CLCC1: variants seen among roughly 807,000 people sequenced by gnomAD.
CLCC1 encodes chloride channel CLIC-like protein 1.
A neutral mutation model predicts 63.3 loss-of-function variants in CLCC1; 39 were observed. That is an observed-to-expected ratio of 0.62 (90% CI 0.48 to 0.81). CLCC1 has a LOEUF of 0.81. Ranked by LOEUF, CLCC1 falls within the 30% of genes least tolerant of loss-of-function variation. The probability of loss-of-function intolerance (pLI) is 0.00; values close to 1 mark genes in which losing one functional copy is unlikely to be tolerated. For synonymous variants in CLCC1, 217 were observed against 239.8 expected (o/e 0.90, Z 0.88); for missense variants, 549 against 669.4 (o/e 0.82, Z 1.98).
Position 108,931,500 on chromosome 1 carries a change from G to A in CLCC1, c.*1047C>T, listed in dbSNP as rs1222474016. 6.5e-7 allele frequency: 1 copy of A among 1,548,312 alleles called. No individual in the cohort carries two copies. The highest frequency in any genetic ancestry group is 8.7e-7 in the Non-Finnish European group (1 of 1,145,932). On this transcript the variant is annotated 3_prime_UTR_variant, in exon 13 of 13. Coordinates refer to ENST00000369969, the MANE Select transcript of CLCC1 (RefSeq NM_001377458.1). ...ACTGTGCACAGCTGGGATGGGATCT[G>A]GGGATGTGGACCCCTATTCTTTCAA...
intron 8 of CLCC1, among the ~76,000 whole-genome samples, chr1:108,941,114 T>C (rs1653778734): frequency 6.6e-6 from 1 of 152,212 alleles, no homozygotes; most frequent in African/African-American, 2.4e-5. Flanking sequence ...TGCCAGACCC[T>C]GTGCAAAGAA....
In CLCC1 at chr1:108,937,337, G is replaced by A. The variant is rs56223817; in HGVS notation, c.1123C>T (p.Arg375Trp). ...TCCTGCCGTCTTCTATCCCGTGGCC[G>A]AAGTGCCTGGGGAGGTTCGCTCTCA... ...GPESEPPQAL[R>W]PRDRRRQEEI... Residue 375 changes from arginine (R) to tryptophan (W), a missense_variant, in exon 11 of 13, where the codon CGG (arginine) becomes TGG (tryptophan). By Grantham distance (101) the Arg-to-Trp change is moderately radical. Coordinates refer to ENST00000369969, the MANE Select transcript of CLCC1 (RefSeq NM_001377458.1). 0.02 allele frequency: 32,529 copies of A among 1,614,090 alleles called. 394 individuals are homozygous for A. The highest frequency in any genetic ancestry group is 0.025 in the Non-Finnish European group (29,396 of 1,179,930).
intron 2 of CLCC1, among the ~76,000 whole-genome samples, chr1:108,961,763 G>A (rs936227007): frequency 3.3e-5 from 5 of 152,082 alleles, no homozygotes; most frequent in African/African-American, 9.7e-5. Context: ...GGAGGCTGGG[G>A]CAGGAGAATT....
At position 108,931,925 on chromosome 1, in the gene CLCC1, A is replaced by T. The variant is rs1197938051; in HGVS notation, c.*622T>A. On this transcript the variant is annotated 3_prime_UTR_variant, in exon 13 of 13. Transcript: ENST00000369969. ...GCCTGTAAACATTCAACATTATTCC[A>T]TTTAAACATTGTTTTTAACAGCTGT... 6.4e-6 allele frequency: 1 copy of T among 155,248 alleles called. No homozygotes were observed. Among genetic ancestry groups the T allele is most frequent in the Non-Finnish European group, 1.4e-5 (1 of 70,172 alleles). The allele number at this position is 155,248 out of a possible 1,614,324, so 9.6% of individuals were successfully genotyped here.
intron 5 of CLCC1, among the ~76,000 whole-genome samples, chr1:108,945,133 C>T (rs939823870): frequency 6.6e-6 from 1 of 152,202 alleles, no homozygotes; most frequent in South Asian, 2.1e-4. Context: ...TGTTCATTCA[C>T]TAACACTGAA....
Position 108,952,041 on chromosome 1 carries a change from G to C in CLCC1, c.-11-1593C>G, listed in dbSNP as rs146052856. On this transcript the variant is annotated intron_variant, in intron 2 of 12. Coordinates refer to ENST00000369969, the MANE Select transcript of CLCC1 (RefSeq NM_001377458.1). ...TATCCTCCCACCTCGGCCTCCCAAAGTGCTGGGATTACAGGCATGAGCCAC... is the reference window on the plus strand; with the variant it reads ...TATCCTCCCACCTCGGCCTCCCAAACTGCTGGGATTACAGGCATGAGCCAC... 5.1e-3 allele frequency among the ~76,000 whole-genome samples: 770 copies of C among 152,188 alleles called. 11 individuals are homozygous for C. The highest frequency in any genetic ancestry group is 0.017 in the African/African-American group (721 of 41,512).
At chr1:108,948,475 T>C (rs1199804603) in intron 4 of CLCC1, among the ~76,000 whole-genome samples, 1 of 152,148 alleles carries the variant, frequency 6.6e-6, no homozygotes, top group Non-Finnish European at 1.5e-5. Flanking sequence ...GTGTGGACCA[T>C]GAGTTGAGCG....
intron 10 of CLCC1, among the ~76,000 whole-genome samples, chr1:108,937,752 A>G (rs1444949121): frequency 6.6e-6 from 1 of 152,260 alleles, no homozygotes; most frequent in African/African-American, 2.4e-5. Flanking sequence ...ATTCATGCCC[A>G]TCATATAAGG....
At position 108,950,569 on chromosome 1, in the gene CLCC1, T is replaced by C. The variant is rs1449807427; in HGVS notation, c.-11-121A>G. ...CAGGGTCTTGCTCTATTGCCCAGGC[T>C]GGAGTACAGTGATACAATCACAGCT... On this transcript the variant is annotated intron_variant, in intron 2 of 12. Coordinates refer to ENST00000369969, the MANE Select transcript of CLCC1 (RefSeq NM_001377458.1). The C allele has an allele frequency of 2.0e-5, 9 of 454,814 alleles. No homozygotes were observed. In the East Asian group the frequency reaches 5.4e-4, roughly 27 times the overall value. The allele number at this position is 454,814 out of a possible 1,614,324, so 28.2% of individuals were successfully genotyped here.
chr1:108,959,745 C>T (rs962327328), intron 2 of CLCC1, among the ~76,000 whole-genome samples: 7 of 152,182 alleles, frequency 4.6e-5, no homozygotes, highest in Non-Finnish European at 8.8e-5. Flanking sequence ...CAAAGCACTT[C>T]CCCAACTCCT....
chr1:108,962,627 G>C (rs1409782017), intron 1 of CLCC1, among the ~76,000 whole-genome samples, 158 bp from the exon 2 acceptor site: 1 of 152,180 alleles, frequency 6.6e-6, no homozygotes, highest in Non-Finnish European at 1.5e-5. Context: ...CCAGCACTTT[G>C]GGAGGCCAAG....
At chr1:108,940,536 C>T (rs923657994) in intron 8 of CLCC1, among the ~76,000 whole-genome samples, 3 of 152,168 alleles carry the variant, frequency 2.0e-5, no homozygotes, top group Non-Finnish European at 2.9e-5. Context: ...TGCAAGATGT[C>T]ACCACTGGAG....
chr1:108,948,066 A>G (rs1654766190), intron 4 of CLCC1, among the ~76,000 whole-genome samples: 1 of 152,214 alleles, frequency 6.6e-6, no homozygotes, highest in Non-Finnish European at 1.5e-5. Flanking sequence ...ACAATTTAAC[A>G]AGAGAAAGAA....
In CLCC1 at chr1:108,943,808, C is replaced by T. The variant is rs146582806; in HGVS notation, c.561+28G>A. On this transcript the variant is annotated intron_variant, in intron 6 of 12. Coordinates refer to ENST00000369969, the MANE Select transcript of CLCC1 (RefSeq NM_001377458.1). ...GTATTTTAAAAAGGAAACTTAATGA[C>T]GTTGCCCTTGCCCTCATCCCATCTT... 94 of 1,539,892 alleles carry T rather than the reference C, an allele frequency of 6.1e-5. No individual in the cohort carries two copies. In the East Asian group the frequency reaches 7.9e-4, roughly 13 times the overall value.
At chr1:108,938,311 G>T (rs338482) in intron 10 of CLCC1, among the ~76,000 whole-genome samples, 54,068 of 152,088 alleles carry the variant, frequency 0.36, 11,654 homozygotes, top group African/African-American at 0.6. Context: ...TAACTTTCCT[G>T]AGGGAGCACA....
rs1654967800 is a variant in CLCC1 at position 108,949,802 on chromosome 1, A to G, written c.231+18T>C. 1.6e-6 allele frequency: 2 copies of G among 1,281,264 alleles called. No individual in the cohort carries two copies. Among genetic ancestry groups the G allele is most frequent in the African/African-American group, 3.1e-5 (2 of 65,464 alleles). The allele number at this position is 1,281,264 out of a possible 1,614,324, so 79.4% of individuals were successfully genotyped here. A position where few individuals can be genotyped will look rare whatever the true frequency, so the allele number is the denominator to read the frequency against. On this transcript the variant is annotated intron_variant, in intron 4 of 12. Coordinates refer to ENST00000369969, the MANE Select transcript of CLCC1 (RefSeq NM_001377458.1). Reference sequence around the variant, plus strand: ...AACATAATATAAAAATATAAAATTTATCAATAAAAAAACTAACCTTATAAG... The same window carrying G: ...AACATAATATAAAAATATAAAATTTGTCAATAAAAAAACTAACCTTATAAG...
chr1:108,951,723 T>C (rs1655201395), intron 2 of CLCC1, among the ~76,000 whole-genome samples: 1 of 152,038 alleles, frequency 6.6e-6, no homozygotes. Context: ...ATAATAATGG[T>C]TGCAAATACA....
chr1:108,929,669 T>C lies in CLCC1; in HGVS notation c.*2878A>G, dbSNP rs1444564160. 2 of 1,605,998 alleles carry C rather than the reference T, an allele frequency of 1.2e-6. No individual in the cohort carries two copies. Among genetic ancestry groups the C allele is most frequent in the Non-Finnish European group, 1.7e-6 (2 of 1,173,046 alleles). On this transcript the variant is annotated 3_prime_UTR_variant, in exon 13 of 13. Coordinates refer to ENST00000369969, the MANE Select transcript of CLCC1 (RefSeq NM_001377458.1). ...TAGCTTGGTGCTTTCTTTCCCACAG[T>C]ATGTCTTTTAATCTCTCTCATAAAC... is the stretch of plus-strand genomic sequence containing the variant.
At chr1:108,950,214 T>A in intron 3 of CLCC1, 95 bp downstream of exon 3, 2 of 1,220,966 alleles carry the variant, frequency 1.6e-6, no homozygotes. Context: ...CATGGATCCA[T>A]GACCCTCATA....
Sources: allele counts gnomAD v4.1 joint callset (sites outside exome capture counted in the v4.1 genomes callset), GRCh38; gene constraint gnomAD v4.1.1; transcripts MANE v1.5; gene names NCBI Gene and HGNC (gene_info 2026-07-23, HGNC 2026-07-21).